SLC16A4: variants seen among roughly 807,000 people sequenced by gnomAD.
The protein encoded by SLC16A4 is solute carrier family 16 member 4.
SLC16A4 carries 39 observed loss-of-function variants against 47.9 expected under a neutral mutation model. That is an observed-to-expected ratio of 0.81 (90% CI 0.63 to 1.06). SLC16A4 has a LOEUF of 1.06. Among genes scored for constraint, SLC16A4 ranks in the 50% least tolerant of loss-of-function variants. SLC16A4 has a pLI of 0.00. For synonymous variants in SLC16A4, 189 were observed against 199.9 expected, an observed-to-expected ratio of 0.95 and a Z score of 0.46; for missense variants, 524 against 573.8, an observed-to-expected ratio of 0.91 and a Z score of 0.89.
chr1:110,375,460 G>A lies in SLC16A4; in HGVS notation c.1334C>T (p.Ala445Val), dbSNP rs201041405. The change falls in exon 8 of 9, where the codon GCA becomes GTA. Residue 445 changes from alanine (A) to valine (V), a missense_variant and splice_region_variant. Ala to Val is a moderately conservative substitution (Grantham distance 64). Transcript: ENST00000369779. The stretch of plus-strand genomic sequence containing the variant: ...TCAGAATGTGGTGAAGGTGTTACCT[G>A]CTATAGGTGGTCCAGAAAGGACAGC... ...GMAVLSGPPI[A>V]GWLYDYTQTY... is the part of the protein sequence containing the mutation. The A allele has an allele frequency of 5.2e-5, 83 of 1,595,596 alleles. No homozygotes were observed. Among genetic ancestry groups the A allele is most frequent in the Non-Finnish European group, 2.6e-6 (3 of 1,163,132 alleles).
At chr1:110,374,321 A>G (rs552744079) in intron 8 of SLC16A4, among the ~76,000 whole-genome samples, 315 of 152,342 alleles carry the variant, frequency 2.1e-3, no homozygotes, top group African/African-American at 7.2e-3. Context: ...GATTACAGGC[A>G]TGAGCCACTG....
chr1:110,378,960 A>G lies in SLC16A4; in HGVS notation c.923T>C (p.Phe308Ser), dbSNP rs1662185762. ...NPFFYIFTWS[F>S]LLSQLAYFIP... is the part of the protein sequence containing the mutation. Reference sequence around the variant, plus strand: ...GAAGTATGCTAACTGACTGAGGAGAAAAGACCAAGTAAATATGTAGAAGAA... The same window carrying G: ...GAAGTATGCTAACTGACTGAGGAGAGAAGACCAAGTAAATATGTAGAAGAA... The change falls in exon 6 of 9, where the codon TTT becomes TCT. Residue 308 changes from phenylalanine to serine, a missense_variant. Coordinates refer to ENST00000369779, the MANE Select transcript of SLC16A4 (RefSeq NM_004696.3). 6.2e-7 allele frequency: 1 copy of G among 1,614,104 alleles called. No individual in the cohort carries two copies.
Position 110,382,193 on chromosome 1 carries a change from C to T in SLC16A4, c.221-398G>A, listed in dbSNP as rs538111141. 8.3e-4 allele frequency among the ~76,000 whole-genome samples: 127 copies of T among 152,228 alleles called. 1 individual carries two copies. Among genetic ancestry groups the T allele is most frequent in the African/African-American group, 2.8e-3 (116 of 41,532 alleles). On this transcript the variant is annotated intron_variant, in intron 3 of 8. Transcript: ENST00000369779. ...TATAATTTGTTTTGAGGCTGGACGCCGTGGCTCTTTAATCCCATACTTTGG... is the reference window on the plus strand; with the variant it reads ...TATAATTTGTTTTGAGGCTGGACGCTGTGGCTCTTTAATCCCATACTTTGG...
chr1:110,384,856 C>T (rs373342510), intron 2 of SLC16A4, among the ~76,000 whole-genome samples: 1 of 152,072 alleles, frequency 6.6e-6, no homozygotes. Flanking sequence ...ACAAAAAGTA[C>T]AAAAAATTAG....
At chr1:110,369,064 C>G (rs1661555897) in intron 8 of SLC16A4, among the ~76,000 whole-genome samples, 1 of 151,460 alleles carries the variant, frequency 6.6e-6, no homozygotes, top group Non-Finnish European at 1.5e-5. Flanking sequence ...AAGCGATTCT[C>G]CTGCCCCAAC....
chr1:110,389,300 G>A lies in SLC16A4; in HGVS notation c.24C>T (p.Val8=). The change falls in exon 2 of 9, where the codon GTC becomes GTT. Residue 8 remains valine, a synonymous_variant. Transcript: ENST00000369779. MLKREGK[V]QPYTKTLDGG... ...CATCCAGGGTTTTAGTGTAAGGTTG[G>A]ACCTTCCCCTCCCTCTTCAGCATGA... is the stretch of plus-strand genomic sequence containing the variant. 1 of 1,613,510 alleles carries A rather than the reference G, an allele frequency of 6.2e-7. No homozygotes were observed. Among genetic ancestry groups the A allele is most frequent in the South Asian group, 1.1e-5 (1 of 91,062 alleles).
At chr1:110,390,221 A>C (rs1662965556) in intron 1 of SLC16A4, among the ~76,000 whole-genome samples, 1 of 152,122 alleles carries the variant, frequency 6.6e-6, no homozygotes, top group South Asian at 2.1e-4. Flanking sequence ...AACTGTACTC[A>C]GTGTCCCTCC....
chr1:110,374,241 A>G (rs1484927214), intron 8 of SLC16A4, among the ~76,000 whole-genome samples: 1 of 152,020 alleles, frequency 6.6e-6, no homozygotes, highest in East Asian at 1.9e-4. Flanking sequence ...GGGTTTCACC[A>G]TGGTGGCCAG....
chr1:110,384,633 G>C (rs945046841), intron 2 of SLC16A4, among the ~76,000 whole-genome samples: 1 of 152,198 alleles, frequency 6.6e-6, no homozygotes, highest in African/African-American at 2.4e-5. Context: ...GTAAAGCCCA[G>C]GTGTACTCTC....
chr1:110,379,211 T>C lies in SLC16A4; in HGVS notation c.672A>G (p.Ala224=). The part of the protein sequence containing the change: ...SLSAHGPEAH[A]TETHCHETEE... Reference sequence around the variant, plus strand: ...CTGTCTCATGGCAGTGTGTTTCTGTTGCATGTGCCTCTGGACCATGTGCAG... The same window carrying C: ...CTGTCTCATGGCAGTGTGTTTCTGTCGCATGTGCCTCTGGACCATGTGCAG... The change falls in exon 6 of 9, where the codon GCA becomes GCG. Residue 224 remains alanine (A), a synonymous_variant. Transcript: ENST00000369779. 6.2e-7 allele frequency: 1 copy of C among 1,614,214 alleles called. No individual in the cohort carries two copies. The highest frequency in any genetic ancestry group is 8.5e-7 in the Non-Finnish European group (1 of 1,180,042).
rs750668790 is a variant in SLC16A4 at position 110,383,005 on chromosome 1, G to T, written c.88-39C>A. 9 of 1,544,236 alleles carry T rather than the reference G, an allele frequency of 5.8e-6. No individual in the cohort carries two copies. In the South Asian group the frequency reaches 1.1e-4, roughly 19 times the overall value. On this transcript the variant is annotated intron_variant, in intron 2 of 8. Coordinates refer to ENST00000369779, the MANE Select transcript of SLC16A4 (RefSeq NM_004696.3). ...GACCAGAGTCCAACTCAGGTGGTAA[G>T]TGAGCCATTACAGAGGCAATTACGG...
Position 110,379,314 on chromosome 1 carries a change from G to A in SLC16A4, c.569C>T (p.Pro190Leu), listed in dbSNP as rs773548833. ...GATGGGTCTTAAGAGCATACTAGAA[G>A]GCACCAAATTCAATGCGATAGCTCC... is the stretch of plus-strand genomic sequence containing the variant. Reference protein sequence around the residue: ...LFGAIALNLVPSSMLLRPIHI... With the variant: ...LFGAIALNLVLSSMLLRPIHI... The change falls in exon 6 of 9, where the codon CCT becomes CTT. Residue 190 changes from proline to leucine, a missense_variant. Coordinates refer to ENST00000369779, the MANE Select transcript of SLC16A4 (RefSeq NM_004696.3). 1.2e-6 allele frequency: 2 copies of A among 1,607,776 alleles called. No homozygotes were observed. Among genetic ancestry groups the A allele is most frequent in the Non-Finnish European group, 1.7e-6 (2 of 1,174,796 alleles).
At chr1:110,385,593 T>C (rs999324588) in intron 2 of SLC16A4, among the ~76,000 whole-genome samples, 1 of 152,214 alleles carries the variant, frequency 6.6e-6, no homozygotes. Flanking sequence ...ATGTGCTTTC[T>C]CTTAGACACC....
intron 5 of SLC16A4, among the ~76,000 whole-genome samples, chr1:110,380,120 T>A (rs565091035): frequency 4.0e-5 from 6 of 150,280 alleles, no homozygotes; most frequent in African/African-American, 1.5e-4. Flanking sequence ...CCCATGACAT[T>A]TTTTAGATCT....
intron 2 of SLC16A4, among the ~76,000 whole-genome samples, chr1:110,388,100 A>C (rs1662828573): frequency 6.6e-6 from 1 of 152,160 alleles, no homozygotes; most frequent in African/African-American, 2.4e-5. Context: ...AGTGTCGGCA[A>C]GAAAAGGGTG....
chr1:110,364,470 A>G (rs911912649), intron 8 of SLC16A4, among the ~76,000 whole-genome samples: 24 of 150,586 alleles, frequency 1.6e-4, no homozygotes, highest in African/African-American at 5.9e-4. Flanking sequence ...GGGTTAAACA[A>G]TGACAAGTTC....
chr1:110,367,789 T>C (rs1196361847), intron 8 of SLC16A4, among the ~76,000 whole-genome samples: 1 of 152,108 alleles, frequency 6.6e-6, no homozygotes, highest in Non-Finnish European at 1.5e-5. Flanking sequence ...AAAAATCTGT[T>C]CAGATGCACT....
chr1:110,378,465 TG>T lies in SLC16A4; in HGVS notation c.1030+387del, dbSNP rs1382934445. Among the ~76,000 whole-genome samples, 53 of 152,348 alleles carry T rather than the reference TG, an allele frequency of 3.5e-4. 1 individual carries two copies. The highest frequency in any genetic ancestry group is 1.2e-3 in the African/African-American group (48 of 41,596). ...GCAGGAGGTTGAGCCAGGGAAGTCTTGCTCCAGAACCAATCCTTGAGCCACT... is the reference window on the plus strand; with the variant it reads ...GCAGGAGGTTGAGCCAGGGAAGTCTTCTCCAGAACCAATCCTTGAGCCACT... On this transcript the variant is annotated intron_variant, in intron 6 of 8. Transcript: ENST00000369779.
chr1:110,381,608 A>C (rs371988849), intron 4 of SLC16A4, 44 bp downstream of exon 4: 2 of 1,583,612 alleles, frequency 1.3e-6, no homozygotes, highest in African/African-American at 1.4e-5. Context: ...AGTGTGAGCC[A>C]CCACTCCTGG....
Sources: gnomAD v4.1 joint callset for allele counts (sites outside exome capture counted in the v4.1 genomes callset) on GRCh38, gnomAD v4.1.1 for gene constraint, MANE v1.5 for transcripts, NCBI Gene and HGNC (gene_info 2026-07-23, HGNC 2026-07-21) for gene names.